Variants in TET3 observed in about 807,000 individuals in gnomAD.
TET3 encodes tet methylcytosine dioxygenase 3.
A neutral mutation model predicts 141.4 loss-of-function variants in TET3; 19 were observed. That is an observed-to-expected ratio of 0.13 (90% CI 0.09 to 0.20). The LOEUF (loss-of-function observed/expected upper bound fraction) is 0.20. Ranked by LOEUF, TET3 falls within the 10% of genes least tolerant of loss-of-function variation. The probability of loss-of-function intolerance (pLI) is 1.00; values close to 1 mark genes in which losing one functional copy is unlikely to be tolerated. For missense variants in TET3, 1,874 were observed against 2,356.9 expected, an observed-to-expected ratio of 0.80 and a Z score of 4.24; for synonymous variants, 1,043 against 980.9, an observed-to-expected ratio of 1.06 and a Z score of -1.18.
intron 3 of TET3, among the ~76,000 whole-genome samples, chr2:74,005,062 C>G (rs1685080535): frequency 6.6e-6 from 1 of 152,190 alleles, no homozygotes; most frequent in South Asian, 2.1e-4. Flanking sequence ...TTTGTTTACT[C>G]CCGAAAGCAC....
intron 5 of TET3, among the ~76,000 whole-genome samples, chr2:74,079,401 C>T (rs1689686073): frequency 6.6e-6 from 1 of 152,022 alleles, no homozygotes; most frequent in African/African-American, 2.4e-5. Context: ...TTCTTTATGG[C>T]TAGAGCTATA....
At position 74,093,093 on chromosome 2, in the gene TET3, T is replaced by C. The variant is rs1437047789; in HGVS notation, c.3129+102T>C. 1.6e-5 allele frequency: 17 copies of C among 1,082,702 alleles called. No individual in the cohort carries two copies. Among genetic ancestry groups the C allele is most frequent in the Admixed American group, 4.6e-5 (2 of 43,924 alleles). The allele number at this position is 1,082,702 out of a possible 1,614,324, so 67.1% of individuals were successfully genotyped here. A position where few individuals can be genotyped will look rare whatever the true frequency, so the allele number is the denominator to read the frequency against. On this transcript the variant is annotated intron_variant, in intron 9 of 11. Transcript: ENST00000409262. The surrounding 1 kb of genome is among the most constrained non-coding windows in gnomAD (Gnocchi z 4.2). The stretch of plus-strand genomic sequence containing the variant: ...GAGAGTGGGCTCTTTTACTCTCTTA[T>C]GGGAAGAGCCTAGTCCAGAAGTAAA...
intron 4 of TET3, among the ~76,000 whole-genome samples, chr2:74,067,020 C>T (rs953013381): frequency 8.5e-5 from 13 of 152,064 alleles, no homozygotes; most frequent in Admixed American, 3.3e-4. Flanking sequence ...TTCTGTATAC[C>T]GTGTGGTCTC....
Position 74,052,699 on chromosome 2 carries a change from A to G in TET3, c.2494+4288A>G, listed in dbSNP as rs544138104. On this transcript the variant is annotated intron_variant, in intron 4 of 11. Coordinates refer to ENST00000409262, the MANE Select transcript of TET3 (RefSeq NM_001287491.2). ...ACCCTGGCCAGTATGGTGAAACCCT[A>G]TCTCTACTAAAAATACAAAAATTAG... 5.1e-4 allele frequency among the ~76,000 whole-genome samples: 77 copies of G among 152,018 alleles called. 2 individuals carry two copies. In the South Asian group the frequency reaches 0.015, roughly 29 times the overall value.
chr2:73,995,456 G>T (rs1558694731), intron 2 of TET3, among the ~76,000 whole-genome samples: 1 of 152,174 alleles, frequency 6.6e-6, no homozygotes, highest in Non-Finnish European at 1.5e-5. Context: ...CAGGGGAGAG[G>T]ATCCGTGGTT....
At chr2:74,044,126 C>T (rs1454510352) in intron 3 of TET3, among the ~76,000 whole-genome samples, 1 of 152,160 alleles carries the variant, frequency 6.6e-6, no homozygotes, top group East Asian at 1.9e-4. Flanking sequence ...ACTGTGATCA[C>T]ACCACTGCAG....
At chr2:74,132,816 G>C in the TET3 span, among the ~76,000 whole-genome samples, 1 of 152,234 alleles carries the variant, frequency 6.6e-6, no homozygotes, top group East Asian at 1.9e-4. Flanking sequence ...ATGAAGGGGA[G>C]ACCCAGTGGC....
rs544936261 is a variant in TET3, at chr2:74,104,029, C to T, written c.*1853C>T. ...TGTTTACTGTATCTGTTTGGAAGCA[C>T]TGGCGGAGGGTCGTTGTAAGATGTC... On this transcript the variant is annotated 3_prime_UTR_variant, in exon 12 of 12. Coordinates refer to ENST00000409262, the MANE Select transcript of TET3 (RefSeq NM_001287491.2). 1.3e-5 allele frequency: 2 copies of T among 153,818 alleles called. No homozygotes were observed. Among genetic ancestry groups the T allele is most frequent in the South Asian group, 4.2e-4 (2 of 4,816 alleles). The allele number at this position is 153,818 out of a possible 1,614,324, so 9.5% of individuals were successfully genotyped here.
chr2:74,004,330 C>T (rs534402885), intron 3 of TET3, among the ~76,000 whole-genome samples: 3 of 152,296 alleles, frequency 2.0e-5, no homozygotes, highest in African/African-American at 4.8e-5. Context: ...CTCTTCCCGC[C>T]CCCTGGGAAA....
At chr2:74,061,588 C>CG (rs1688573400) in intron 4 of TET3, among the ~76,000 whole-genome samples, 2 of 134,232 alleles carry the variant, frequency 1.5e-5, no homozygotes, top group African/African-American at 2.8e-5. Context: ...GCTGGCCGGG[C>CG]GGGGGGCTGA....
chr2:74,080,436 C>G, intron 5 of TET3, 62 bp from the exon 6 acceptor site: 1 of 1,481,432 alleles, frequency 6.8e-7, no homozygotes. Flanking sequence ...TGTCTTCTGA[C>G]CAAAAGTTGT....
intron 3 of TET3, among the ~76,000 whole-genome samples, chr2:74,042,770 G>C (rs186670767): frequency 6.6e-6 from 1 of 152,326 alleles, no homozygotes; most frequent in Non-Finnish European, 1.5e-5. Context: ...TGTTGGCCCC[G>C]TCTCCTGCTG....
chr2:74,099,776 G>A (rs941209624), intron 11 of TET3, among the ~76,000 whole-genome samples, 164 bp downstream of exon 11: 1 of 152,188 alleles, frequency 6.6e-6, no homozygotes, highest in Non-Finnish European at 1.5e-5. Context: ...ATAGGAGGCC[G>A]TGGGGATGCA....
rs1265640812 is a variant in TET3 at position 73,985,018 on chromosome 2, G to T, written c.-564G>T. Reference sequence around the variant, plus strand: ...TCGGCCCGGGCGGGGGGCTCCGCGCGCTGAGCTCGGTCGGGCCGGGCGCTC... The same window carrying T: ...TCGGCCCGGGCGGGGGGCTCCGCGCTCTGAGCTCGGTCGGGCCGGGCGCTC... On this transcript the variant is annotated 5_prime_UTR_variant, in exon 1 of 12. Transcript: ENST00000409262. 6.8e-6 allele frequency: 1 copy of T among 146,738 alleles called. No homozygotes were observed. Among genetic ancestry groups the T allele is most frequent in the Non-Finnish European group, 1.5e-5 (1 of 65,602 alleles). The allele number at this position is 146,738 out of a possible 1,614,324, so 9.1% of individuals were successfully genotyped here.
At chr2:74,056,491 T>C (rs1053944647) in intron 4 of TET3, among the ~76,000 whole-genome samples, 1 of 151,912 alleles carries the variant, frequency 6.6e-6, no homozygotes, top group African/African-American at 2.4e-5. Context: ...TGGATTTTGC[T>C]CTCCTGAGCT....
upstream of TET3, among the ~76,000 whole-genome samples, chr2:73,984,904 G>T (rs1683918519): frequency 6.8e-6 from 1 of 147,388 alleles, no homozygotes; most frequent in Admixed American, 6.7e-5. The surrounding 1 kb of genome is among the most constrained non-coding windows in gnomAD (Gnocchi z 5.6). Context: ...GTGCGCGGGG[G>T]GCGGGGAGTC....
At position 74,105,525 on chromosome 2, in the gene TET3, T is replaced by C; in HGVS notation, c.*3349T>C. ...TCGGTTTTTGGTTTTGGGTCTGGCT[T>C]TTAGCAGGGCCAATGTTTCCCACAC... On this transcript the variant is annotated 3_prime_UTR_variant, in exon 12 of 12. Transcript: ENST00000409262. 1 of 398,366 alleles carries C rather than the reference T, an allele frequency of 2.5e-6. No individual in the cohort carries two copies. The highest frequency in any genetic ancestry group is 4.4e-6 in the Non-Finnish European group (1 of 225,864). 24.7% of individuals were successfully genotyped at this position (398,366 alleles called of 1,614,324 possible).
downstream of TET3, among the ~76,000 whole-genome samples, chr2:74,111,702 G>A (rs1445001831): frequency 6.6e-6 from 1 of 152,208 alleles, no homozygotes; most frequent in African/African-American, 2.4e-5. Flanking sequence ...GTCTAAATGT[G>A]AGACCCTTCA....
chr2:74,122,509 A>AT, the TET3 span: 485 of 76,152 alleles, frequency 6.4e-3, 1 homozygote, highest in Non-Finnish European at 8.0e-3. Flanking sequence ...ATATATATAT[A>AT]TATTTTTTTT....
Sources: gnomAD v4.1 joint callset for allele counts (sites outside exome capture counted in the v4.1 genomes callset) on GRCh38, gnomAD v4.1.1 for gene constraint, Gnocchi (gnomAD v3.1) non-coding constraint, MANE v1.5 for transcripts, NCBI Gene and HGNC (gene_info 2026-07-23, HGNC 2026-07-21) for gene names.